GATA1: variants seen among roughly 807,000 people sequenced by gnomAD.
GATA1 encodes erythroid transcription factor.
Under a neutral mutation model 18.9 loss-of-function variants are expected in GATA1, and 2 were observed. The observed-to-expected ratio is 0.11, with a 90% confidence interval of 0.04 to 0.33. The LOEUF (loss-of-function observed/expected upper bound fraction) is 0.33, where lower values mean the gene tolerates loss of function less well. Ranked by LOEUF, GATA1 falls within the 10% of genes least tolerant of loss-of-function variation. The pLI, the probability that GATA1 is intolerant of heterozygous loss-of-function variation, is 1.00. For missense variants in GATA1, 272 were observed against 344.7 expected, an observed-to-expected ratio of 0.79 and a Z score of 1.67; for synonymous variants, 152 against 149.1, an observed-to-expected ratio of 1.02 and a Z score of -0.14.
chrX:48,794,157 G>A lies in GATA1; in HGVS notation c.1235G>A (p.Ser412Asn). Reference protein sequence around the residue: ...TTSTTVVAPLSS With the variant: ...TTSTTVVAPLNS Reference sequence around the variant, plus strand: ...AGCACTACTGTGGTGGCTCCGCTCAGCTCATGAGGGCACAGAGCATGGCCT... The same window carrying A: ...AGCACTACTGTGGTGGCTCCGCTCAACTCATGAGGGCACAGAGCATGGCCT... The change falls in exon 6 of 6, where the codon AGC becomes AAC. Residue 412 changes from serine to asparagine, a missense_variant. Coordinates refer to ENST00000376670, the MANE Select transcript of GATA1 (RefSeq NM_002049.4). 1 of 1,181,487 alleles carries A rather than the reference G, an allele frequency of 8.5e-7. No homozygotes were observed. The highest frequency in any genetic ancestry group is 1.8e-5 in the African/African-American group (1 of 57,076).
intron 1 of GATA1, 135 bp from the exon 2 acceptor site, chrX:48,790,956 A>G: frequency 4.9e-6 from 2 of 406,178 alleles, no homozygotes; most frequent in South Asian, 3.0e-5. Context: ...GGAGGGGGGA[A>G]TGGGGAGGTG....
intron 1 of GATA1, among the ~76,000 whole-genome samples, chrX:48,788,019 C>T (rs782789233): frequency 1.8e-5 from 2 of 110,721 alleles, no homozygotes; most frequent in Non-Finnish European, 3.8e-5. Flanking sequence ...TATCTCTGTC[C>T]GGAGAGTGAT....
At chrX:48,789,549 G>C (rs1228450026) in intron 1 of GATA1, among the ~76,000 whole-genome samples, 1 of 111,000 alleles carries the variant, frequency 9.0e-6, no homozygotes, top group Non-Finnish European at 1.9e-5. Flanking sequence ...CAATACAGCA[G>C]ATGGGGAAAC....
intron 1 of GATA1, among the ~76,000 whole-genome samples, chrX:48,787,797 A>T (rs960124330): frequency 9.0e-6 from 1 of 110,694 alleles, no homozygotes; most frequent in Non-Finnish European, 1.9e-5. Context: ...CCTAAGCCCC[A>T]TATCTGCCCC....
chrX:48,788,981 AAAG>A lies in GATA1; in HGVS notation c.-19-2105_-19-2103del, dbSNP rs782535927. 2.3e-3 allele frequency among the ~76,000 whole-genome samples: 253 copies of A among 112,137 alleles called. 1 individual carries two copies. The highest frequency in any genetic ancestry group is 4.0e-3 in the Non-Finnish European group (212 of 53,133). ...AGAGAGAGAAACATGGGAAGACAGA[AAAG>A]AAGACAGAAAATCATCAAACATTAC... On this transcript the variant is annotated intron_variant, in intron 1 of 5. Coordinates refer to ENST00000376670, the MANE Select transcript of GATA1 (RefSeq NM_002049.4).
rs1557020154 is a variant in GATA1 at position 48,791,825 on chromosome X, C to T, written c.221-19C>T. The T allele has an allele frequency of 8.3e-7, 1 of 1,210,610 alleles. No homozygotes were observed. Among genetic ancestry groups the T allele is most frequent in the East Asian group, 3.0e-5 (1 of 33,841 alleles). ...TGATTTTGCCTCTTCTTTCCTCCAT[C>T]CCTACCTGCCCCCAACAGTCTTTCA... is the stretch of plus-strand genomic sequence containing the variant. On this transcript the variant is annotated intron_variant, in intron 2 of 5. Transcript: ENST00000376670.
chrX:48,793,106 C>T (rs1310563538), intron 4 of GATA1, 66 bp from the exon 5 acceptor site: 3 of 1,167,041 alleles, frequency 2.6e-6, no homozygotes, highest in Non-Finnish European at 3.5e-6. Context: ...CTGACATCCC[C>T]TGTGAGCCCC....
intron 1 of GATA1, among the ~76,000 whole-genome samples, chrX:48,789,736 C>T (rs913267007): frequency 4.5e-5 from 5 of 110,623 alleles, no homozygotes; most frequent in Non-Finnish European, 9.5e-5. Flanking sequence ...GGTACTGACC[C>T]CCCCCCAACC....
intron 1 of GATA1, among the ~76,000 whole-genome samples, chrX:48,790,704 G>C (rs782376844): frequency 1.0e-5 from 1 of 99,129 alleles, no homozygotes; most frequent in East Asian, 3.3e-4. Flanking sequence ...GAGAAAGACA[G>C]GAGGAAAAGG....
Position 48,793,927 on chromosome X carries a change from G to A in GATA1, c.1005G>A (p.Met335Ile). ...GAAEGPAGGF[M>I]VVAGGSGSGN... Reference sequence around the variant, plus strand: ...CCGAAGGACCAGCTGGTGGCTTTATGGTGGTGGCTGGGGGCAGCGGTAGCG... The same window carrying A: ...CCGAAGGACCAGCTGGTGGCTTTATAGTGGTGGCTGGGGGCAGCGGTAGCG... Residue 335 changes from methionine (M) to isoleucine (I), a missense_variant, in exon 6 of 6, where the codon ATG becomes ATA. By Grantham distance (10) the Met-to-Ile change is conservative. Around this residue, in one of 3 missense-constraint regions of GATA1, gnomAD observed 83 missense variants for 84.2 expected, o/e 0.99. Transcript: ENST00000376670. The A allele has an allele frequency of 8.3e-7, 1 of 1,205,530 alleles. No individual in the cohort carries two copies. The highest frequency in any genetic ancestry group is 1.1e-6 in the Non-Finnish European group (1 of 891,977).
Position 48,794,004 on chromosome X carries a change from C to A in GATA1, c.1082C>A (p.Ala361Asp). Residue 361 changes from alanine to aspartate, a missense_variant, in exon 6 of 6, where the codon GCC (alanine) becomes GAC (aspartate). This residue lies in a region of GATA1 where 83 missense variants were observed against 84.2 expected (regional missense o/e 0.99). Transcript: ENST00000376670. ...CTGACACTGGGCCCCCCAGGTACTG[C>A]CCATCTCTACCAAGGCCTGGGCCCT... ...SGLTLGPPGT[A>D]HLYQGLGPVV... is the part of the protein sequence containing the mutation. 8.3e-7 allele frequency: 1 copy of A among 1,210,350 alleles called. No individual in the cohort carries two copies. Among genetic ancestry groups the A allele is most frequent in the Non-Finnish European group, 1.1e-6 (1 of 894,725 alleles).
rs782546475 is a variant in GATA1 at position 48,794,113 on chromosome X, C to T, written c.1191C>T (p.Gly397=). Residue 397 remains glycine (G), a synonymous_variant, in exon 6 of 6, where the codon GGC becomes GGT. Coordinates refer to ENST00000376670, the MANE Select transcript of GATA1 (RefSeq NM_002049.4). ...LGSPTGSFPT[G]PMPPTTSTTV... ...CACCCACGGGCTCCTTCCCCACAGG[C>T]CCCATGCCCCCCACCACCAGCACTA... 1.7e-6 allele frequency: 2 copies of T among 1,187,978 alleles called. No individual in the cohort carries two copies. Among genetic ancestry groups the T allele is most frequent in the Non-Finnish European group, 2.3e-6 (2 of 883,623 alleles).
intron 4 of GATA1, 145 bp from the exon 5 acceptor site, chrX:48,793,027 C>CG: frequency 3.4e-6 from 2 of 595,585 alleles, no homozygotes. Context: ...TGGCCCCATA[C>CG]AGAATCCTCA....
chrX:48,791,416 T>G, intron 2 of GATA1, 87 bp downstream of exon 2: 1 of 825,406 alleles, frequency 1.2e-6, no homozygotes, highest in African/African-American at 2.0e-5. Flanking sequence ...AATACCACTG[T>G]GAGGATATCT....
chrX:48,787,837 G>A (rs781942870), intron 1 of GATA1, among the ~76,000 whole-genome samples: 1 of 111,486 alleles, frequency 9.0e-6, no homozygotes, highest in South Asian at 3.8e-4. Flanking sequence ...CCTTCAGCCC[G>A]GTGAGACCCT....
chrX:48,790,294 A>C (rs1468658994), intron 1 of GATA1, among the ~76,000 whole-genome samples: 1 of 109,952 alleles, frequency 9.1e-6, no homozygotes, highest in African/African-American at 3.3e-5. Context: ...TTCTACAAAA[A>C]AAAAACAAAA....
Position 48,794,024 on chromosome X carries a change from G to A in GATA1, c.1102G>A (p.Gly368Ser), listed in dbSNP as rs782271840. 2.5e-5 allele frequency: 30 copies of A among 1,209,696 alleles called. No homozygotes were observed. The highest frequency in any genetic ancestry group is 3.1e-5 in the Non-Finnish European group (28 of 894,867). Residue 368 changes from glycine (G) to serine (S), a missense_variant, in exon 6 of 6, where the codon GGC becomes AGC. Transcript: ENST00000376670. ...TACTGCCCATCTCTACCAAGGCCTG[G>A]GCCCTGTGGTGCTGTCAGGGCCTGT... Reference protein sequence around the residue: ...PGTAHLYQGLGPVVLSGPVSH... With the variant: ...PGTAHLYQGLSPVVLSGPVSH...
Position 48,794,065 on chromosome X carries a change from T to G in GATA1, c.1143T>G (p.Pro381=). The G allele has an allele frequency of 8.3e-7, 1 of 1,210,304 alleles. No individual in the cohort carries two copies. Among genetic ancestry groups the G allele is most frequent in the Non-Finnish European group, 1.1e-6 (1 of 894,738 alleles). ...VLSGPVSHLM[P]FPGPLLGSPT... ...CAGGGCCTGTTAGCCACCTCATGCC[T>G]TTCCCTGGACCCCTACTGGGCTCAC... The change falls in exon 6 of 6, where the codon CCT becomes CCG. Residue 381 remains proline (P), a synonymous_variant. Transcript: ENST00000376670.
chrX:48,792,156 G>A lies in GATA1; in HGVS notation c.533G>A (p.Ser178Asn), dbSNP rs2062677263. Residue 178 changes from serine (S) to asparagine (N), a missense_variant, in exon 3 of 6, where the codon AGC becomes AAC. Coordinates refer to ENST00000376670, the MANE Select transcript of GATA1 (RefSeq NM_002049.4). ...AGTACCTTCTTTTCTCCCACCGGGAGCCCCCTCAATTCAGCAGCCTATTCC... is the reference window on the plus strand; with the variant it reads ...AGTACCTTCTTTTCTCCCACCGGGAACCCCCTCAATTCAGCAGCCTATTCC... ...FSSTFFSPTG[S>N]PLNSAAYSSP... 3 of 1,209,454 alleles carry A rather than the reference G, an allele frequency of 2.5e-6. No individual in the cohort carries two copies. Among genetic ancestry groups the A allele is most frequent in the African/African-American group, 1.8e-5 (1 of 57,060 alleles).
Sources: allele counts gnomAD v4.1 joint callset (sites outside exome capture counted in the v4.1 genomes callset), GRCh38; gene constraint gnomAD v4.1.1; regional missense constraint gnomAD v4.1.1; transcripts MANE v1.5; gene names NCBI Gene and HGNC (gene_info 2026-07-23, HGNC 2026-07-21).